WDR27: variants seen among roughly 807,000 people sequenced by gnomAD.
WDR27 encodes WD repeat domain 27.
A neutral mutation model predicts 114.4 loss-of-function variants in WDR27; 100 were observed. That is an observed-to-expected ratio of 0.87 (90% CI 0.74 to 1.03). The LOEUF (loss-of-function observed/expected upper bound fraction) is 1.03. Ranked by LOEUF, WDR27 falls within the 50% of genes least tolerant of loss-of-function variation. WDR27 has a pLI of 0.00. For synonymous variants in WDR27, 449 were observed against 423.1 expected, an observed-to-expected ratio of 1.06 and a Z score of -0.75; for missense variants, 1,129 against 1,092.9, an observed-to-expected ratio of 1.03 and a Z score of -0.47.
rs1584565125 is a variant in WDR27 at position 169,611,305 on chromosome 6, A to AT, written c.2321+2253_2321+2254insA. Reference sequence around the variant, plus strand: ...TTAGTTTACTGTAACTTTTTTACTTACTTTTTTTTTTTTTTTTTGAGACAG... The same window carrying AT: ...TTAGTTTACTGTAACTTTTTTACTTATCTTTTTTTTTTTTTTTTTGAGACAG... On this transcript the variant is annotated intron_variant, in intron 22 of 25. Transcript: ENST00000448612. 6.6e-5 allele frequency among the ~76,000 whole-genome samples: 6 copies of AT among 90,852 alleles called. No individual in the cohort carries two copies. The East Asian group carries it at 2.1e-3, about 32-fold the overall frequency. The allele number at this position is 90,852 out of a possible 152,430, so 59.6% of individuals were successfully genotyped here. A position where few individuals can be genotyped will look rare whatever the true frequency, so the allele number is the denominator to read the frequency against.
chr6:169,524,209 T>C (rs1046540125), intron 25 of WDR27, among the ~76,000 whole-genome samples: 2 of 152,038 alleles, frequency 1.3e-5, no homozygotes, highest in African/African-American at 4.8e-5. Flanking sequence ...ATAAAATGCC[T>C]AGGAATCAAT....
chr6:169,611,558 G>A lies in WDR27; in HGVS notation c.2321+2001C>T, dbSNP rs568966062. Among the ~76,000 whole-genome samples, 27 of 151,982 alleles carry A rather than the reference G, an allele frequency of 1.8e-4. No individual in the cohort carries two copies. In the South Asian group the frequency reaches 4.2e-3, roughly 23 times the overall value. On this transcript the variant is annotated intron_variant, in intron 22 of 25. Coordinates refer to ENST00000448612, the MANE Select transcript of WDR27 (RefSeq NM_182552.5). ...TGACCTCAGGTGATCCGCCCACCTCGGCCTCCCAAAGCTAATATCACTTAG... is the reference window on the plus strand; with the variant it reads ...TGACCTCAGGTGATCCGCCCACCTCAGCCTCCCAAAGCTAATATCACTTAG...
the WDR27 span, among the ~76,000 whole-genome samples, chr6:169,433,900 T>C: frequency 6.6e-6 from 1 of 152,248 alleles, no homozygotes; most frequent in Non-Finnish European, 1.5e-5. Flanking sequence ...TTTTGAGAAG[T>C]GTCTGTTCAT....
chr6:169,449,342 T>C, the WDR27 span, among the ~76,000 whole-genome samples: 1 of 152,224 alleles, frequency 6.6e-6, no homozygotes. Flanking sequence ...TATGCAAAGA[T>C]TTTGTACAAA....
chr6:169,657,888 TGCA>T (rs940612280), intron 13 of WDR27: 4 of 183,010 alleles, frequency 2.2e-5, no homozygotes, highest in Admixed American at 1.6e-4. Flanking sequence ...CACTCAAGTG[TGCA>T]GGAGTACAAT....
chr6:169,436,181 A>G, the WDR27 span, among the ~76,000 whole-genome samples: 1 of 152,224 alleles, frequency 6.6e-6, no homozygotes, highest in Non-Finnish European at 1.5e-5. Context: ...ATCAACCCAA[A>G]TATCTCTTAG....
chr6:169,686,776 G>A (rs1202943771), intron 2 of WDR27, among the ~76,000 whole-genome samples: 1 of 151,998 alleles, frequency 6.6e-6, no homozygotes, highest in Non-Finnish European at 1.5e-5. Flanking sequence ...AAAGAAATTT[G>A]GTACATATAC....
intron 25 of WDR27, among the ~76,000 whole-genome samples, chr6:169,555,892 C>T (rs1450963198): frequency 6.6e-6 from 1 of 152,110 alleles, no homozygotes; most frequent in Non-Finnish European, 1.5e-5. Context: ...TTGTTTTTAA[C>T]ACGTGTTGCT....
chr6:169,515,838 T>C (rs11964611), intron 25 of WDR27, among the ~76,000 whole-genome samples: 6,899 of 149,934 alleles, frequency 0.046, 432 homozygotes, highest in African/African-American at 0.14. Context: ...ATATATATTA[T>C]ATATATTTAA....
At chr6:169,523,161 A>G (rs1397445524) in intron 25 of WDR27, among the ~76,000 whole-genome samples, 1 of 152,092 alleles carries the variant, frequency 6.6e-6, no homozygotes, top group African/African-American at 2.4e-5. Flanking sequence ...ATTATGAACA[A>G]TGATATGCCA....
rs79681031 is a variant in WDR27, at chr6:169,695,511, C to A, written c.-8+6040G>T. 2.0e-4 allele frequency among the ~76,000 whole-genome samples: 31 copies of A among 152,270 alleles called. 1 individual carries two copies. The East Asian group carries it at 5.8e-3, about 28-fold the overall frequency. On this transcript the variant is annotated intron_variant, in intron 1 of 25. Coordinates refer to ENST00000448612, the MANE Select transcript of WDR27 (RefSeq NM_182552.5). Reference sequence around the variant, plus strand: ...TCGCTTCTCTAATCCACAGTGTGTCCATTTTAGAGGGTAACACTCAGAAAG... The same window carrying A: ...TCGCTTCTCTAATCCACAGTGTGTCAATTTTAGAGGGTAACACTCAGAAAG...
At position 169,608,380 on chromosome 6, in the gene WDR27, C is replaced by A. The variant is rs1809723813; in HGVS notation, c.2321+5179G>T. ...TTTTAATGCTGCTGATAAAGACATA[C>A]CCTAGACTGGGCAATTTACAAAAGA... is the stretch of plus-strand genomic sequence containing the variant. On this transcript the variant is annotated intron_variant, in intron 22 of 25. Transcript: ENST00000448612. Among the ~76,000 whole-genome samples, 4 of 152,080 alleles carry A rather than the reference C, an allele frequency of 2.6e-5. No individual in the cohort carries two copies. The South Asian group carries it at 8.3e-4, about 32-fold the overall frequency.
At position 169,509,311 on chromosome 6, in the gene WDR27, C is replaced by T. The variant is rs1429915895; in HGVS notation, c.2646-51677G>A. The stretch of plus-strand genomic sequence containing the variant: ...GTTCATATGGAACCAAAAAAGAGCC[C>T]GCATTGCCAAGTCAATCCTAAGCCA... On this transcript the variant is annotated intron_variant, in intron 25 of 25. Coordinates refer to ENST00000448612, the MANE Select transcript of WDR27 (RefSeq NM_182552.5). Among the ~76,000 whole-genome samples the T allele has an allele frequency of 4.8e-4, 73 of 152,164 alleles. No individual in the cohort carries two copies. The South Asian group carries it at 0.012, about 25-fold the overall frequency.
chr6:169,546,708 T>C (rs557392894), intron 25 of WDR27, among the ~76,000 whole-genome samples: 3 of 152,196 alleles, frequency 2.0e-5, no homozygotes, highest in African/African-American at 7.2e-5. Flanking sequence ...ATGGATGCAA[T>C]GGTCAAGGAG....
chr6:169,605,595 T>A (rs1431376340), intron 22 of WDR27, among the ~76,000 whole-genome samples: 2 of 145,318 alleles, frequency 1.4e-5, no homozygotes, highest in Non-Finnish European at 1.5e-5. Context: ...TTTTTTACAT[T>A]AAAAAAAAAA....
intron 25 of WDR27, among the ~76,000 whole-genome samples, chr6:169,522,329 A>G (rs1794479228): frequency 6.6e-6 from 1 of 152,076 alleles, no homozygotes. Flanking sequence ...GTATATAAAC[A>G]TTAATAAATC....
At chr6:169,619,864 T>A (rs765225511) in intron 21 of WDR27, among the ~76,000 whole-genome samples, 13 of 152,312 alleles carry the variant, frequency 8.5e-5, no homozygotes, top group Non-Finnish European at 1.5e-4. Context: ...CTAGCCATGT[T>A]AATAGAGATT....
rs1388501278 is a variant in WDR27 at position 169,627,317 on chromosome 6, G to A, written c.2223+5630C>T. Among the ~76,000 whole-genome samples, 5 of 152,012 alleles carry A rather than the reference G, an allele frequency of 3.3e-5. No homozygotes were observed. In the South Asian group the frequency reaches 6.2e-4, roughly 19 times the overall value. On this transcript the variant is annotated intron_variant, in intron 21 of 25. Coordinates refer to ENST00000448612, the MANE Select transcript of WDR27 (RefSeq NM_182552.5). ...CTACAAATTCACTTCCTATATCTTC[G>A]TTCTCCAAGTCAATGCCTTTTTACG...
chr6:169,563,962 T>C (rs757592858), intron 25 of WDR27, among the ~76,000 whole-genome samples: 1 of 152,198 alleles, frequency 6.6e-6, no homozygotes, highest in Admixed American at 6.5e-5. Context: ...ATGATGAGTA[T>C]ATGGAGGGGA....
Sources: allele counts gnomAD v4.1 joint callset (sites outside exome capture counted in the v4.1 genomes callset), GRCh38; gene constraint gnomAD v4.1.1; transcripts MANE v1.5; gene names NCBI Gene and HGNC (gene_info 2026-07-23, HGNC 2026-07-21).